Variants in RECK observed in about 807,000 individuals in gnomAD.
RECK encodes reversion-inducing cysteine-rich protein with Kazal motifs.
In RECK, 69 loss-of-function variants were observed where a neutral mutation model predicts 115.1. That is an observed-to-expected ratio of 0.60 (90% CI 0.49 to 0.73). The LOEUF is 0.73. Among genes scored for constraint, RECK ranks in the 30% least tolerant of loss-of-function variants. The pLI is 0.00. For synonymous variants in RECK, 414 were observed against 419.7 expected (o/e 0.99, Z 0.17); for missense variants, 1,047 against 1,203.7 (o/e 0.87, Z 1.93).
At chr9:36,088,264 G>T (rs955086456) in intron 9 of RECK, among the ~76,000 whole-genome samples, 5 of 152,134 alleles carry the variant, frequency 3.3e-5, no homozygotes, top group African/African-American at 1.2e-4. Flanking sequence ...CATTAAGTAA[G>T]CTTACAGTTT....
At chr9:36,084,984 G>A (rs543970893) in intron 8 of RECK, among the ~76,000 whole-genome samples, 75 of 152,214 alleles carry the variant, frequency 4.9e-4, no homozygotes, top group Non-Finnish European at 9.7e-4. Flanking sequence ...GAGCCCAGGA[G>A]GTCAAGGCTG....
chr9:36,074,115 G>T (rs1429538607), intron 6 of RECK, among the ~76,000 whole-genome samples: 1 of 152,016 alleles, frequency 6.6e-6, no homozygotes, highest in African/African-American at 2.4e-5. Flanking sequence ...GGTTTAAATG[G>T]TACCACTTTA....
chr9:36,107,187 T>C (rs1823854465), intron 13 of RECK, among the ~76,000 whole-genome samples: 2 of 150,944 alleles, frequency 1.3e-5, no homozygotes, highest in African/African-American at 2.4e-5. Flanking sequence ...TATAATAAGA[T>C]AGAAAATGGA....
chr9:36,104,276 ATG>A (rs200067838), intron 12 of RECK, among the ~76,000 whole-genome samples: 4 of 61,958 alleles, frequency 6.5e-5, no homozygotes, highest in East Asian at 1.1e-3. Context: ...CATACATAGC[ATG>A]TGTGTGTGTG....
chr9:36,057,001 C>T, intron 2 of RECK: 1 of 985,296 alleles, frequency 1.0e-6, no homozygotes. Context: ...TTTACCGTCT[C>T]AGCTATTTGC....
At position 36,102,209 on chromosome 9, in the gene RECK, A is replaced by AT; in HGVS notation, c.1415dup (p.Pro473ThrfsTer13). 6.2e-7 allele frequency: 1 copy of AT among 1,610,694 alleles called. No individual in the cohort carries two copies. Among genetic ancestry groups the AT allele is most frequent in the Non-Finnish European group, 8.5e-7 (1 of 1,178,852 alleles). On this transcript the variant is annotated frameshift_variant, in exon 12 of 21. Coordinates refer to ENST00000377966, the MANE Select transcript of RECK (RefSeq NM_021111.3). LOFTEE classifies it high-confidence loss of function. Reference sequence around the variant, plus strand: ...ACCTACAGATGATCTGAAGAATTGTATACCTTTGGATACATACCTCAGTAA... The same window carrying AT: ...ACCTACAGATGATCTGAAGAATTGTATTACCTTTGGATACATACCTCAGTAA...
chr9:36,067,411 GT>G (rs1321921603), intron 6 of RECK, among the ~76,000 whole-genome samples: 2 of 152,130 alleles, frequency 1.3e-5, no homozygotes, highest in Non-Finnish European at 2.9e-5. Context: ...TTTGATTTGA[GT>G]TTCAGAGAAT....
chr9:36,112,219 A>G (rs1824078716), intron 15 of RECK, 86 bp from the exon 16 acceptor site: 4 of 1,265,418 alleles, frequency 3.2e-6, no homozygotes, highest in African/African-American at 1.5e-5. Context: ...CCTTCACATG[A>G]TTGCTCATGG....
intron 18 of RECK, among the ~76,000 whole-genome samples, chr9:36,120,078 C>CA (rs1159817230): frequency 6.6e-6 from 1 of 151,750 alleles, no homozygotes; most frequent in African/African-American, 2.4e-5. Context: ...ACTAAAAATA[C>CA]AAAAAAATTA....
At chr9:36,063,974 C>A in intron 5 of RECK, 94 bp downstream of exon 5, 2 of 1,184,456 alleles carry the variant, frequency 1.7e-6, no homozygotes, top group Non-Finnish European at 2.5e-6. Context: ...CCTAGCTTTG[C>A]AGAGGTAACC....
At chr9:36,067,552 G>A (rs979414944) in intron 6 of RECK, among the ~76,000 whole-genome samples, 1 of 152,094 alleles carries the variant, frequency 6.6e-6, no homozygotes, top group Non-Finnish European at 1.5e-5. Flanking sequence ...ATTTTGTCTT[G>A]TTCTAGCCAA....
At chr9:36,037,874 A>C (rs1015455837) in intron 1 of RECK, among the ~76,000 whole-genome samples, 1 of 152,016 alleles carries the variant, frequency 6.6e-6, no homozygotes, top group African/African-American at 2.4e-5. Flanking sequence ...GAGAGAGGAC[A>C]TCGACCTAGG....
Position 36,108,134 on chromosome 9 carries a change from A to G in RECK, c.1735A>G (p.Lys579Glu). Residue 579 changes from lysine (K) to glutamate (E), a missense_variant, in exon 14 of 21, where the codon AAG (lysine) becomes GAG (glutamate). Transcript: ENST00000377966. ...GGAAATGCACTGTATAGACCTCCAGAAGTCTTGTATTGTTGGAGGAAAAAG... is the reference window on the plus strand; with the variant it reads ...GGAAATGCACTGTATAGACCTCCAGGAGTCTTGTATTGTTGGAGGAAAAAG... ...CMEMHCIDLQ[K>E]SCIVGGKRKS... The G allele has an allele frequency of 6.2e-7, 1 of 1,602,108 alleles. No homozygotes were observed. Among genetic ancestry groups the G allele is most frequent in the Non-Finnish European group, 8.5e-7 (1 of 1,176,834 alleles).
At chr9:36,050,895 C>T (rs1045652937) in intron 1 of RECK, among the ~76,000 whole-genome samples, 1 of 152,088 alleles carries the variant, frequency 6.6e-6, no homozygotes, top group Non-Finnish European at 1.5e-5. Context: ...CTAGCCTGCC[C>T]TATAAAATAC....
intron 1 of RECK, among the ~76,000 whole-genome samples, chr9:36,050,711 C>G (rs910725877): frequency 6.6e-6 from 1 of 152,212 alleles, no homozygotes; most frequent in Admixed American, 6.5e-5. Context: ...CCTCTCTGAT[C>G]GCATTATGTC....
chr9:36,108,592 T>A (rs1180649999), intron 14 of RECK, among the ~76,000 whole-genome samples: 1 of 152,062 alleles, frequency 6.6e-6, no homozygotes, highest in East Asian at 1.9e-4. Context: ...TCCCTTACGC[T>A]TCACAGGCCA....
intron 16 of RECK, 49 bp from the exon 17 acceptor site, chr9:36,116,936 C>A: frequency 6.7e-7 from 1 of 1,503,582 alleles, no homozygotes; most frequent in South Asian, 1.2e-5. Flanking sequence ...CTAGCCCCAC[C>A]ACAGTCCCTC....
At chr9:36,071,890 A>C (rs1346009101) in intron 6 of RECK, among the ~76,000 whole-genome samples, 1 of 152,168 alleles carries the variant, frequency 6.6e-6, no homozygotes, top group Non-Finnish European at 1.5e-5. Context: ...AAATGTATAG[A>C]ATGGTGCAGG....
At position 36,123,773 on chromosome 9, in the gene RECK, A is replaced by G. The variant is rs1824545345; in HGVS notation, c.*728A>G. 6.6e-6 allele frequency: 1 copy of G among 152,270 alleles called. No homozygotes were observed. Among genetic ancestry groups the G allele is most frequent in the African/African-American group, 2.4e-5 (1 of 41,472 alleles). The allele number at this position is 152,270 out of a possible 1,614,324, so 9.4% of individuals were successfully genotyped here. On this transcript the variant is annotated 3_prime_UTR_variant, in exon 21 of 21. Coordinates refer to ENST00000377966, the MANE Select transcript of RECK (RefSeq NM_021111.3). The stretch of plus-strand genomic sequence containing the variant: ...GCATCAAAGCATCTTGCATTATGCA[A>G]TTTTTATATTAACCAGATATATATT...
Sources: gnomAD v4.1 joint callset for allele counts (sites outside exome capture counted in the v4.1 genomes callset) on GRCh38, gnomAD v4.1.1 for gene constraint, MANE v1.5 for transcripts, NCBI Gene and HGNC (gene_info 2026-07-23, HGNC 2026-07-21) for gene names.